TMEM255B: variants seen among roughly 807,000 people sequenced by gnomAD.
TMEM255B encodes family with sequence similarity 70, member B.
A neutral mutation model predicts 34.5 loss-of-function variants in TMEM255B; 35 were observed. That is an observed-to-expected ratio of 1.01 (90% CI 0.77 to 1.34). TMEM255B has a LOEUF of 1.34. Ranked by LOEUF, TMEM255B falls within the 40% of genes most tolerant of loss-of-function variation. The probability of loss-of-function intolerance (pLI) is 0.00; values close to 1 mark genes in which losing one functional copy is unlikely to be tolerated. For missense variants in TMEM255B, 432 were observed against 433.2 expected (o/e 1.00, Z 0.02); for synonymous variants, 206 against 201.2 (o/e 1.02, Z -0.20).
rs1382637406 is a variant in TMEM255B, at chr13:113,814,041, TTTCCCGA to T, written c.*2139_*2145del. ...TGGGGGAAGAAAAGTGTGCCACGGA[TTTCCCGA>T]GTCCCCAGGGCTCTCACTTTACCTC... On this transcript the variant is annotated 3_prime_UTR_variant, in exon 9 of 9. Transcript: ENST00000375353. 6.6e-6 allele frequency: 1 copy of T among 152,070 alleles called. No homozygotes were observed. Among genetic ancestry groups the T allele is most frequent in the Non-Finnish European group, 1.5e-5 (1 of 68,022 alleles). 9.4% of individuals were successfully genotyped at this position (152,070 alleles called of 1,614,324 possible). A position where few individuals can be genotyped will look rare whatever the true frequency, so the allele number is the denominator to read the frequency against.
intron 7 of TMEM255B, 56 bp from the exon 8 acceptor site, chr13:113,804,829 A>G (rs2051137183): frequency 6.7e-7 from 1 of 1,482,924 alleles, no homozygotes; most frequent in African/African-American, 1.4e-5. Flanking sequence ...AAGGCTGGAC[A>G]GCCCTTCCCT....
In TMEM255B at chr13:113,811,831, C is replaced by A. The variant is rs780505618; in HGVS notation, c.909C>A (p.Pro303=). The change falls in exon 9 of 9, where the codon CCC becomes CCA. Residue 303 remains proline, a synonymous_variant. Coordinates refer to ENST00000375353, the MANE Select transcript of TMEM255B (RefSeq NM_182614.4). ...PSPSSSGSGL[P]GQAPPCYAPT... is the part of the protein sequence containing the mutation. The stretch of plus-strand genomic sequence containing the variant: ...CAAGCAGCTCTGGCTCTGGGCTTCC[C>A]GGCCAGGCTCCACCGTGCTACGCAC... The A allele has an allele frequency of 1.9e-6, 3 of 1,613,836 alleles. No homozygotes were observed. The highest frequency in any genetic ancestry group is 1.3e-5 in the African/African-American group (1 of 74,894).
chr13:113,785,465 C>A (rs1251052290), intron 3 of TMEM255B, among the ~76,000 whole-genome samples: 1 of 152,224 alleles, frequency 6.6e-6, no homozygotes, highest in African/African-American at 2.4e-5. Flanking sequence ...CATGTTTGCT[C>A]CTCGTCCTAC....
chr13:113,801,579 C>T, intron 6 of TMEM255B, 74 bp from the exon 7 acceptor site: 1 of 1,498,584 alleles, frequency 6.7e-7, no homozygotes, highest in Admixed American at 2.1e-5. Flanking sequence ...GGGCTCAGGT[C>T]CAGAGGACAC....
chr13:113,811,914 G>A lies in TMEM255B; in HGVS notation c.*11G>A. 1.3e-6 allele frequency: 2 copies of A among 1,563,972 alleles called. No homozygotes were observed. Among genetic ancestry groups the A allele is most frequent in the Non-Finnish European group, 1.7e-6 (2 of 1,160,538 alleles). ...CCCTACGCACCCTGATAGAGGCGTG[G>A]AGTAAAAGATAACTTGTTTGTTTTT... On this transcript the variant is annotated 3_prime_UTR_variant, in exon 9 of 9. Transcript: ENST00000375353.
At chr13:113,783,185 T>G (rs2050691404) in intron 3 of TMEM255B, among the ~76,000 whole-genome samples, 1 of 152,190 alleles carries the variant, frequency 6.6e-6, no homozygotes, top group Non-Finnish European at 1.5e-5. Flanking sequence ...GGGCAGGATT[T>G]TCCTGGGGCT....
chr13:113,806,069 G>A lies in TMEM255B; in HGVS notation c.813+1041G>A, dbSNP rs1318016599. On this transcript the variant is annotated intron_variant, in intron 8 of 8. Transcript: ENST00000375353. This position sits in a 1 kb window ranked among gnomAD's most constrained non-coding sequence, Gnocchi z 4.2. ...ACAGGTCTTCAGATATTCCACAAGA[G>A]GACCCTCTCCCGACACATGACGTTG... Among the ~76,000 whole-genome samples the A allele has an allele frequency of 6.6e-6, 1 of 152,164 alleles. No homozygotes were observed. Among genetic ancestry groups the A allele is most frequent in the East Asian group, 1.9e-4 (1 of 5,188 alleles).
intron 3 of TMEM255B, among the ~76,000 whole-genome samples, chr13:113,790,897 C>T (rs899164904): frequency 1.3e-5 from 2 of 152,250 alleles, no homozygotes; most frequent in South Asian, 2.1e-4. Flanking sequence ...GCCACACTCT[C>T]GCTGAATTTT....
intron 3 of TMEM255B, among the ~76,000 whole-genome samples, chr13:113,777,150 G>C (rs932595530): frequency 6.6e-6 from 1 of 152,148 alleles, no homozygotes; most frequent in Non-Finnish European, 1.5e-5. Context: ...GCCACAGCCA[G>C]ATCTGTTTCT....
At chr13:113,782,417 A>G (rs1003671085) in intron 3 of TMEM255B, among the ~76,000 whole-genome samples, 7 of 152,240 alleles carry the variant, frequency 4.6e-5, no homozygotes, top group African/African-American at 1.7e-4. Flanking sequence ...ACATTTATCT[A>G]ATTATTTTAA....
chr13:113,765,673 C>T (rs1340375905), intron 1 of TMEM255B, among the ~76,000 whole-genome samples: 3 of 152,180 alleles, frequency 2.0e-5, no homozygotes, highest in Non-Finnish European at 4.4e-5. Context: ...CCTGCCCCTC[C>T]CCTGGTGGCA....
chr13:113,802,589 G>T (rs1356865452), intron 7 of TMEM255B, among the ~76,000 whole-genome samples: 1 of 136,464 alleles, frequency 7.3e-6, no homozygotes, highest in Non-Finnish European at 1.7e-5. Flanking sequence ...GCCAGACCCG[G>T]CCCAGCGAGG....
intron 2 of TMEM255B, 52 bp downstream of exon 2, chr13:113,766,309 G>A (rs760649449): frequency 6.2e-7 from 1 of 1,610,446 alleles, no homozygotes; most frequent in Non-Finnish European, 8.5e-7. Flanking sequence ...GTGGTGTGTG[G>A]CTCTCTCAGG....
intron 3 of TMEM255B, among the ~76,000 whole-genome samples, chr13:113,774,919 ATACAC>A (rs1374608915): frequency 6.7e-6 from 1 of 148,316 alleles, no homozygotes; most frequent in East Asian, 2.1e-4. Flanking sequence ...ACTCCACACA[ATACAC>A]TACTCACACC....
chr13:113,804,758 C>T (rs1038046900), intron 7 of TMEM255B, 127 bp from the exon 8 acceptor site: 30 of 695,402 alleles, frequency 4.3e-5, no homozygotes, highest in South Asian at 6.6e-5. Flanking sequence ...TATAAACGCA[C>T]GCCGGGCCGG....
intron 3 of TMEM255B, among the ~76,000 whole-genome samples, chr13:113,782,543 T>C (rs1171298237): frequency 2.0e-5 from 3 of 152,252 alleles, no homozygotes; most frequent in African/African-American, 7.2e-5. Context: ...ATCTTGCTTC[T>C]GGCCTACCGG....
intron 3 of TMEM255B, among the ~76,000 whole-genome samples, chr13:113,785,753 G>T (rs991376956): frequency 4.6e-5 from 7 of 152,168 alleles, no homozygotes; most frequent in Non-Finnish European, 1.0e-4. Context: ...ACGTCCCCAG[G>T]CCTCCCTGTC....
chr13:113,781,110 C>A (rs924969176), intron 3 of TMEM255B, among the ~76,000 whole-genome samples: 18 of 152,280 alleles, frequency 1.2e-4, no homozygotes, highest in African/African-American at 4.3e-4. Flanking sequence ...CTTAATAAAA[C>A]TTTATAGACA....
rs1566341899 is a variant in TMEM255B at position 113,812,928 on chromosome 13, T to TGGGTCACAGGCCCCGGGTGAGTCACAGGC, written c.*1025_*1026insGGGTCACAGGCCCCGGGTGAGTCACAGGC. On this transcript the variant is annotated 3_prime_UTR_variant, in exon 9 of 9. Transcript: ENST00000375353. ...TCACAGGCCCCGGGTGAGTCACGGG[T>TGGGTCACAGGCCCCGGGTGAGTCACAGGC]CCCGGGTGGGTCACGGGTCCCGGGT... The TGGGTCACAGGCCCCGGGTGAGTCACAGGC allele has an allele frequency of 1.2e-4, 13 of 109,480 alleles. No homozygotes were observed. Among genetic ancestry groups the TGGGTCACAGGCCCCGGGTGAGTCACAGGC allele is most frequent in the African/African-American group, 5.5e-4 (13 of 23,842 alleles). 6.8% of individuals were successfully genotyped at this position (109,480 alleles called of 1,614,324 possible). A position where few individuals can be genotyped will look rare whatever the true frequency, so the allele number is the denominator to read the frequency against.
Sources: gnomAD v4.1 joint callset for allele counts (sites outside exome capture counted in the v4.1 genomes callset) on GRCh38, gnomAD v4.1.1 for gene constraint, Gnocchi (gnomAD v3.1) non-coding constraint, MANE v1.5 for transcripts, NCBI Gene and HGNC (gene_info 2026-07-23, HGNC 2026-07-21) for gene names.